The following SLCO1B3 variants were observed in gnomAD, a reference collection of about 807,000 sequenced individuals.
SLCO1B3 encodes the protein liver-specific organic anion transporter 2.
Under a neutral mutation model 71.8 loss-of-function variants are expected in SLCO1B3, and 72 were observed. The observed-to-expected ratio is 1.00, with a 90% confidence interval of 0.83 to 1.22. The LOEUF is 1.22. Ranked by LOEUF, SLCO1B3 falls within the 50% of genes most tolerant of loss-of-function variation. The pLI is 0.00. For synonymous variants in SLCO1B3, 298 were observed against 278.4 expected (o/e 1.07, Z -0.70); for missense variants, 911 against 819.7 (o/e 1.11, Z -1.36).
intron 13 of SLCO1B3, among the ~76,000 whole-genome samples, chr12:20,894,564 A>C (rs1245691142): frequency 1.3e-5 from 2 of 152,088 alleles, no homozygotes; most frequent in Non-Finnish European, 2.9e-5. Context: ...AACAAATTTC[A>C]GTTTACCTTG....
At chr12:20,814,981 C>CTTTT (rs71039997) in intron 2 of SLCO1B3, among the ~76,000 whole-genome samples, 13 of 89,288 alleles carry the variant, frequency 1.5e-4, no homozygotes, top group Non-Finnish European at 2.8e-4. Context: ...CTTTTCTTTT[C>CTTTT]TTTTTTTTTT....
intron 13 of SLCO1B3, among the ~76,000 whole-genome samples, chr12:20,888,401 A>G (rs887498622): frequency 2.6e-5 from 4 of 151,874 alleles, no homozygotes; most frequent in East Asian, 1.9e-4. Flanking sequence ...TTCTCCTCGT[A>G]GAGACTTTTT....
intron 8 of SLCO1B3, among the ~76,000 whole-genome samples, chr12:20,864,986 A>T (rs960706925): frequency 6.6e-6 from 1 of 152,084 alleles, no homozygotes; most frequent in Admixed American, 6.6e-5. Context: ...TTTCATACAG[A>T]ATTTTGGCAC....
intron 3 of SLCO1B3, among the ~76,000 whole-genome samples, chr12:20,839,787 T>C (rs12309397): frequency 0.014 from 2,056 of 152,274 alleles, 47 homozygotes; most frequent in East Asian, 0.07. Context: ...GTCCCTATTA[T>C]GTGCATGTTG....
At chr12:20,833,474 A>G (rs1864587710) in intron 3 of SLCO1B3, among the ~76,000 whole-genome samples, 1 of 149,292 alleles carries the variant, frequency 6.7e-6, no homozygotes, top group African/African-American at 2.4e-5. Flanking sequence ...ATAAATATAT[A>G]CACACATATA....
At chr12:20,834,043 A>G (rs900934662) in intron 3 of SLCO1B3, among the ~76,000 whole-genome samples, 1 of 140,448 alleles carries the variant, frequency 7.1e-6, no homozygotes, top group African/African-American at 2.5e-5. Flanking sequence ...GTATTTATAT[A>G]TTATATGTGT....
At chr12:20,813,010 TATTG>T (rs1253196252) in intron 1 of SLCO1B3, among the ~76,000 whole-genome samples, 5 of 152,142 alleles carry the variant, frequency 3.3e-5, no homozygotes, top group Non-Finnish European at 5.9e-5. Context: ...ACCACCAAAT[TATTG>T]ATTTTTTTCC....
At chr12:20,829,888 G>C (rs1864504102) in intron 3 of SLCO1B3, among the ~76,000 whole-genome samples, 1 of 152,128 alleles carries the variant, frequency 6.6e-6, no homozygotes, top group African/African-American at 2.4e-5. Context: ...GCGCTGGTGG[G>C]AGTGTAGCAG....
intron 3 of SLCO1B3, among the ~76,000 whole-genome samples, chr12:20,841,454 C>G (rs1864799598): frequency 6.6e-6 from 1 of 151,958 alleles, no homozygotes; most frequent in African/African-American, 2.4e-5. Flanking sequence ...TAAGATTTGC[C>G]CCAAATATGT....
At position 20,824,121 on chromosome 12, in the gene SLCO1B3, C is replaced by T. The variant is rs529092459; in HGVS notation, c.84+8299C>T. Among the ~76,000 whole-genome samples the T allele has an allele frequency of 2.0e-5, 3 of 152,160 alleles. No individual in the cohort carries two copies. In the South Asian group the frequency reaches 6.2e-4, roughly 32 times the overall value. ...GAAAGGAATTATATTTTTAATTTTG[C>T]TCATAAGAACAAATTTTAGTGAATT... On this transcript the variant is annotated intron_variant, in intron 3 of 15. Coordinates refer to ENST00000381545, the MANE Select transcript of SLCO1B3 (RefSeq NM_019844.4).
At chr12:20,866,324 C>T (rs995981623) in intron 8 of SLCO1B3, among the ~76,000 whole-genome samples, 1 of 152,104 alleles carries the variant, frequency 6.6e-6, no homozygotes, top group Non-Finnish European at 1.5e-5. Flanking sequence ...AATGGATCAA[C>T]ATGAAGCCTC....
At chr12:20,849,645 A>C (rs1864982527) in intron 3 of SLCO1B3, among the ~76,000 whole-genome samples, 1 of 151,978 alleles carries the variant, frequency 6.6e-6, no homozygotes, top group South Asian at 2.1e-4. Flanking sequence ...ATGTAAAGAG[A>C]AGCCCAAAGA....
At chr12:20,854,494 T>C (rs1239599803) in intron 3 of SLCO1B3, among the ~76,000 whole-genome samples, 1 of 152,202 alleles carries the variant, frequency 6.6e-6, no homozygotes, top group East Asian at 1.9e-4. Context: ...ATCTAGTTTT[T>C]CTGATATGAT....
Position 20,875,395 on chromosome 12 carries a change from G to T in SLCO1B3, c.888G>T (p.Leu296Phe), listed in dbSNP as rs766738737. The change falls in exon 9 of 16, where the codon TTG (leucine) becomes TTT (phenylalanine). Residue 296 changes from leucine (L) to phenylalanine (F), a missense_variant. Coordinates refer to ENST00000381545, the MANE Select transcript of SLCO1B3 (RefSeq NM_019844.4). ...PQKERKISLSLHVLKTNDDRN... is the reference protein window; with the variant it reads ...PQKERKISLSFHVLKTNDDRN... ...AAGAAAGAAAAATTTCACTATCATT[G>T]CATGTGCTGAAAACAAATGATGATA... is the stretch of plus-strand genomic sequence containing the variant. The T allele has an allele frequency of 2.5e-6, 4 of 1,610,210 alleles. No homozygotes were observed. The highest frequency in any genetic ancestry group is 3.4e-6 in the Non-Finnish European group (4 of 1,178,646).
intron 15 of SLCO1B3, 42 bp from the exon 16 acceptor site, chr12:20,915,962 C>T (rs1267108488): frequency 7.5e-7 from 1 of 1,338,988 alleles, no homozygotes; most frequent in Non-Finnish European, 1.0e-6. Context: ...ATATTTTACA[C>T]ATTTAAAATA....
At chr12:20,841,919 C>G (rs1276742255) in intron 3 of SLCO1B3, among the ~76,000 whole-genome samples, 1 of 142,778 alleles carries the variant, frequency 7.0e-6, no homozygotes, top group East Asian at 2.1e-4. Flanking sequence ...GAGTCTCACT[C>G]TTTCACCCAG....
intron 13 of SLCO1B3, among the ~76,000 whole-genome samples, chr12:20,887,854 T>A (rs996332740): frequency 5.9e-5 from 9 of 151,996 alleles, no homozygotes; most frequent in African/African-American, 2.2e-4. Flanking sequence ...TTTTATAGTT[T>A]CAGGCCTTAC....
intron 3 of SLCO1B3, among the ~76,000 whole-genome samples, chr12:20,836,712 G>C (rs1864688692): frequency 6.6e-6 from 1 of 152,100 alleles, no homozygotes; most frequent in Admixed American, 6.5e-5. Flanking sequence ...TGCTGTCTCA[G>C]CTCACTGCAA....
rs142616479 is a variant in SLCO1B3, at chr12:20,876,542, G to A, written c.970+1065G>A. ...TCCACCACACTAACCCAAGAGCAAT[G>A]GGATGGATGCTGGAGCCTTGTGTAT... On this transcript the variant is annotated intron_variant, in intron 9 of 15. Coordinates refer to ENST00000381545, the MANE Select transcript of SLCO1B3 (RefSeq NM_019844.4). Among the ~76,000 whole-genome samples the A allele has an allele frequency of 1.3e-4, 20 of 152,174 alleles. 1 individual carries two copies. Among genetic ancestry groups the A allele is most frequent in the African/African-American group, 4.8e-4 (20 of 41,516 alleles).
Sources: gnomAD v4.1 joint callset for allele counts (sites outside exome capture counted in the v4.1 genomes callset) on GRCh38, gnomAD v4.1.1 for gene constraint, MANE v1.5 for transcripts, NCBI Gene and HGNC (gene_info 2026-07-23, HGNC 2026-07-21) for gene names.